AFDN: variants seen among roughly 807,000 people sequenced by gnomAD.
AFDN encodes afadin.
Under a neutral mutation model 216.6 loss-of-function variants are expected in AFDN, and 68 were observed. That is an observed-to-expected ratio of 0.31 (90% CI 0.26 to 0.38). The LOEUF (loss-of-function observed/expected upper bound fraction) is 0.38, where lower values mean the gene tolerates loss of function less well. Among genes scored for constraint, AFDN ranks in the 10% least tolerant of loss-of-function variants. The probability of loss-of-function intolerance (pLI) is 1.00; values close to 1 mark genes in which losing one functional copy is unlikely to be tolerated. For synonymous variants in AFDN, 868 were observed against 853.7 expected (o/e 1.02, Z -0.29); for missense variants, 2,136 against 2,342.0 (o/e 0.91, Z 1.82).
In AFDN at chr6:167,948,273, T is replaced by C. The variant is rs770360926; in HGVS notation, c.3646-20T>C. 6.3e-7 allele frequency: 1 copy of C among 1,583,596 alleles called. No individual in the cohort carries two copies. The highest frequency in any genetic ancestry group is 1.2e-5 in the South Asian group (1 of 85,338). On this transcript the variant is annotated intron_variant, in intron 28 of 33. Coordinates refer to ENST00000683244, the MANE Select transcript of AFDN (RefSeq NM_001386888.1). ...TATGGTTGTAAAAAGCTCACTTTTT[T>C]TGTTCTTCACATTTTACAGGAGCAG...
Position 167,902,302 on chromosome 6 carries a change from G to C in AFDN, c.1581-15G>C, listed in dbSNP as rs1789083509. On this transcript the variant is annotated splice_polypyrimidine_tract_variant and intron_variant, in intron 11 of 33. Coordinates refer to ENST00000683244, the MANE Select transcript of AFDN (RefSeq NM_001386888.1). ...ATGTTATTAAGTCAGTGTGTTTCTT[G>C]TTTTATCCCATCAGAATTGTTCAGG... 6.3e-7 allele frequency: 1 copy of C among 1,599,034 alleles called. No individual in the cohort carries two copies.
In AFDN at chr6:167,947,401, G is replaced by C. The variant is rs184446412; in HGVS notation, c.3554-452G>C. ...TCACCATGTTAGCCAGGATGGTCTC[G>C]ATCTCCTGACCTCGTGATCTGCCCG... is the stretch of plus-strand genomic sequence containing the variant. On this transcript the variant is annotated intron_variant, in intron 27 of 33. Transcript: ENST00000683244. 8.9e-4 allele frequency among the ~76,000 whole-genome samples: 136 copies of C among 152,166 alleles called. No individual in the cohort carries two copies. In the East Asian group the frequency reaches 0.01, roughly 12 times the overall value.
chr6:167,918,366 C>T (rs971738171), intron 20 of AFDN, among the ~76,000 whole-genome samples: 2 of 152,016 alleles, frequency 1.3e-5, no homozygotes, highest in South Asian at 2.1e-4. Flanking sequence ...ATTAAACATT[C>T]TATACAAATA....
At position 167,946,907 on chromosome 6, in the gene AFDN, A is replaced by G; in HGVS notation, c.3553+6A>G. 6.2e-7 allele frequency: 1 copy of G among 1,604,814 alleles called. No homozygotes were observed. The highest frequency in any genetic ancestry group is 1.8e-5 in the Admixed American group (1 of 57,042). ...TTCCAGCCCCAACGTAGCAAGTAAG[A>G]GTGACACTTTTTTGCTTCCTAAGTA... On this transcript the variant is annotated splice_donor_region_variant and intron_variant, in intron 27 of 33. Transcript: ENST00000683244.
At chr6:167,882,832 AGTATT>A (rs1335835445) in intron 6 of AFDN, among the ~76,000 whole-genome samples, 6 of 152,236 alleles carry the variant, frequency 3.9e-5, no homozygotes, top group Admixed American at 1.3e-4. Context: ...GCAGAAAACT[AGTATT>A]GAAAAGAATG....
intron 23 of AFDN, among the ~76,000 whole-genome samples, chr6:167,931,059 T>C (rs1211057701): frequency 6.6e-6 from 1 of 152,216 alleles, no homozygotes; most frequent in Non-Finnish European, 1.5e-5. Flanking sequence ...AAAGGCGTTC[T>C]GGAACAGACA....
intron 21 of AFDN, among the ~76,000 whole-genome samples, chr6:167,921,145 A>G (rs1791743253): frequency 1.3e-5 from 2 of 152,250 alleles, no homozygotes; most frequent in East Asian, 3.8e-4. Flanking sequence ...TAAGGTGACT[A>G]CTAGCATTTT....
At chr6:167,874,624 T>C (rs1208995347) in intron 4 of AFDN, among the ~76,000 whole-genome samples, 1 of 150,070 alleles carries the variant, frequency 6.7e-6, no homozygotes, top group East Asian at 1.9e-4. Context: ...TTTTTTTTTT[T>C]TTTTTTTTGA....
At chr6:167,855,828 C>T (rs939026559) in intron 1 of AFDN, among the ~76,000 whole-genome samples, 4 of 152,050 alleles carry the variant, frequency 2.6e-5, no homozygotes, top group African/African-American at 9.7e-5. Flanking sequence ...CTGCTTTAAG[C>T]AAATTGTGTT....
chr6:167,871,723 A>G (rs535525357), intron 3 of AFDN, among the ~76,000 whole-genome samples: 17 of 152,358 alleles, frequency 1.1e-4, no homozygotes, highest in South Asian at 1.0e-3. Flanking sequence ...CAACAGTTTC[A>G]TAAAAGCCAA....
chr6:167,945,393 T>G (rs1270551769), intron 26 of AFDN, among the ~76,000 whole-genome samples: 3 of 152,210 alleles, frequency 2.0e-5, no homozygotes, highest in Non-Finnish European at 4.4e-5. Flanking sequence ...CTGGGGCTAC[T>G]TGACCATTAA....
At chr6:167,913,870 A>G (rs1790716531) in intron 16 of AFDN, 3 of 453,922 alleles carry the variant, frequency 6.6e-6, no homozygotes, top group Non-Finnish European at 7.9e-6. Flanking sequence ...ACGGTCTACA[A>G]TTTGGTGTTA....
chr6:167,844,465 C>T (rs777866606), intron 1 of AFDN, among the ~76,000 whole-genome samples: 3 of 152,172 alleles, frequency 2.0e-5, no homozygotes, highest in Non-Finnish European at 4.4e-5. Flanking sequence ...TTTTTAGTAG[C>T]TGTATAATCC....
At position 167,943,484 on chromosome 6, in the gene AFDN, G is replaced by A; in HGVS notation, c.3239+9G>A. The A allele has an allele frequency of 1.2e-6, 2 of 1,608,178 alleles. No homozygotes were observed. Among genetic ancestry groups the A allele is most frequent in the Non-Finnish European group, 1.7e-6 (2 of 1,174,602 alleles). ...GGACTCTCTCAGGAAAGGTATCATT[G>A]ATTTATTTGCTTGAAGCATAGTATT... On this transcript the variant is annotated intron_variant, in intron 25 of 33. Transcript: ENST00000683244.
intron 6 of AFDN, among the ~76,000 whole-genome samples, chr6:167,886,875 C>T (rs1169133695): frequency 2.0e-5 from 3 of 151,946 alleles, no homozygotes; most frequent in African/African-American, 4.8e-5. Context: ...ATTAATTGGG[C>T]ATGGTGGTGG....
At chr6:167,949,517 G>C (rs1323964757) in intron 29 of AFDN, among the ~76,000 whole-genome samples, 4 of 152,168 alleles carry the variant, frequency 2.6e-5, no homozygotes, top group Admixed American at 6.5e-5. Context: ...CCTTTTGTCT[G>C]GTGTGCTGGT....
chr6:167,854,975 G>C (rs1335498327), intron 1 of AFDN, among the ~76,000 whole-genome samples: 1 of 151,664 alleles, frequency 6.6e-6, no homozygotes, highest in Non-Finnish European at 1.5e-5. Flanking sequence ...TGTGTAACTT[G>C]ATTTTTTTCA....
At chr6:167,943,326 C>T in intron 24 of AFDN, 76 bp from the exon 25 acceptor site, 1 of 1,452,714 alleles carries the variant, frequency 6.9e-7, no homozygotes, top group South Asian at 1.1e-5. Context: ...AGTATCTACT[C>T]ATCATTACCT....
chr6:167,886,401 G>C (rs1409924724), intron 6 of AFDN, among the ~76,000 whole-genome samples: 1 of 152,126 alleles, frequency 6.6e-6, no homozygotes, highest in Non-Finnish European at 1.5e-5. Context: ...ATACTCTGTG[G>C]GGCATTGATT....
Sources: allele counts gnomAD v4.1 joint callset (sites outside exome capture counted in the v4.1 genomes callset), GRCh38; gene constraint gnomAD v4.1.1; transcripts MANE v1.5; gene names NCBI Gene and HGNC (gene_info 2026-07-23, HGNC 2026-07-21).